ANKRD28: variants seen among roughly 807,000 people sequenced by gnomAD.
ANKRD28 encodes ankyrin repeat domain 28, also known as serine/threonine-protein phosphatase 6 regulatory ankyrin repeat subunit A.
A neutral mutation model predicts 126.5 loss-of-function variants in ANKRD28; 44 were observed. The observed-to-expected ratio is 0.35, with a 90% CI of 0.27 to 0.45. The LOEUF (loss-of-function observed/expected upper bound fraction) is 0.45. Ranked by LOEUF, ANKRD28 falls within the 20% of genes least tolerant of loss-of-function variation. ANKRD28 has a pLI of 1.00. For missense variants in ANKRD28, 1,110 were observed against 1,316.6 expected (o/e 0.84, Z 2.43); for synonymous variants, 442 against 468.5 (o/e 0.94, Z 0.73).
At chr3:15,847,958 C>T (rs1321718557) in intron 1 of ANKRD28, among the ~76,000 whole-genome samples, 2 of 152,238 alleles carry the variant, frequency 1.3e-5, no homozygotes, top group East Asian at 3.8e-4. Context: ...TGGCCCTTAT[C>T]TCCAACAGGG....
At chr3:15,728,468 A>AT (rs928326505) in intron 6 of ANKRD28, among the ~76,000 whole-genome samples, 4 of 152,032 alleles carry the variant, frequency 2.6e-5, no homozygotes, top group Non-Finnish European at 1.5e-5. Flanking sequence ...TAATCTTTAA[A>AT]TTTTTTTGTA....
Position 15,824,222 on chromosome 3 carries a change from T to C in ANKRD28, c.28-28916A>G, listed in dbSNP as rs180927082. On this transcript the variant is annotated intron_variant, in intron 1 of 27. Transcript: ENST00000399451. The stretch of plus-strand genomic sequence containing the variant: ...CTCATTCTGTCATGCAGGCGCCATC[T>C]CAGCTCACTGCAACCTCCGCCTCCT... 1.9e-3 allele frequency among the ~76,000 whole-genome samples: 295 copies of C among 152,364 alleles called. 1 individual carries two copies. The highest frequency in any genetic ancestry group is 6.5e-3 in the African/African-American group (270 of 41,588).
intron 4 of ANKRD28, among the ~76,000 whole-genome samples, chr3:15,744,390 T>A (rs771535131): frequency 1.5e-4 from 23 of 152,088 alleles, no homozygotes; most frequent in Non-Finnish European, 3.2e-4. Context: ...CTTGGCTCAC[T>A]GCCACGTCTG....
intron 2 of ANKRD28, among the ~76,000 whole-genome samples, chr3:15,779,934 C>T (rs2059466704): frequency 6.6e-6 from 1 of 152,076 alleles, no homozygotes. Context: ...ATAACAGGTC[C>T]TGTAAAGGCC....
At position 15,773,950 on chromosome 3, in the gene ANKRD28, G is replaced by T. The variant is rs146141718; in HGVS notation, c.202-7638C>A. On this transcript the variant is annotated intron_variant, in intron 2 of 27. Coordinates refer to ENST00000683139, the MANE Select transcript of ANKRD28 (RefSeq NM_001349278.2). The stretch of plus-strand genomic sequence containing the variant: ...CTATAAAAGTGAAGTAATCAAGGGA[G>T]GGTGGTATGAGAAAAAAGGCAGACA... Among the ~76,000 whole-genome samples the T allele has an allele frequency of 3.5e-4, 53 of 152,266 alleles. No individual in the cohort carries two copies. The East Asian group carries it at 9.4e-3, about 27-fold the overall frequency.
At chr3:15,799,837 T>C (rs1337822957), upstream of ANKRD28, among the ~76,000 whole-genome samples, 4 of 152,052 alleles carry the variant, frequency 2.6e-5, no homozygotes, top group African/African-American at 7.2e-5. Flanking sequence ...TTCATACATA[T>C]TGTCTCCTTC....
At chr3:15,849,860 G>A (rs765107615) in intron 1 of ANKRD28, among the ~76,000 whole-genome samples, 9 of 152,086 alleles carry the variant, frequency 5.9e-5, no homozygotes, top group African/African-American at 1.9e-4. Context: ...CCATGTATAC[G>A]GAAAACTTAT....
At chr3:15,792,849 C>T (rs1365716871) in intron 2 of ANKRD28, among the ~76,000 whole-genome samples, 1 of 152,024 alleles carries the variant, frequency 6.6e-6, no homozygotes, top group African/African-American at 2.4e-5. Context: ...TATGTACCCA[C>T]AAATTTTTTT....
At chr3:15,707,653 T>C (rs1301777827) in intron 14 of ANKRD28, among the ~76,000 whole-genome samples, 1 of 152,202 alleles carries the variant, frequency 6.6e-6, no homozygotes, top group Non-Finnish European at 1.5e-5. Flanking sequence ...ATAAAAGTGA[T>C]ATTAAGATGC....
chr3:15,743,443 T>A (rs2057250505), intron 4 of ANKRD28, among the ~76,000 whole-genome samples: 1 of 152,154 alleles, frequency 6.6e-6, no homozygotes, highest in African/African-American at 2.4e-5. Flanking sequence ...TCTCATGTGA[T>A]AATGGAATTT....
At chr3:15,673,212 C>T (rs968660639) in intron 27 of ANKRD28, among the ~76,000 whole-genome samples, 18 of 152,220 alleles carry the variant, frequency 1.2e-4, no homozygotes, top group African/African-American at 4.3e-4. Context: ...GATTTGAAGA[C>T]CCTCTTAAGT....
At chr3:15,685,894 C>T (rs1031001973) in intron 20 of ANKRD28, 108 bp downstream of exon 20, 2 of 824,024 alleles carry the variant, frequency 2.4e-6, no homozygotes, top group African/African-American at 3.4e-5. Context: ...ATGGTAAAGA[C>T]TATTTGACGA....
rs1402183982 is a variant in ANKRD28 at position 15,707,984 on chromosome 3, T to A, written c.1487A>T (p.Asp496Val). 1 of 1,612,386 alleles carries A rather than the reference T, an allele frequency of 6.2e-7. No homozygotes were observed. Among genetic ancestry groups the A allele is most frequent in the East Asian group, 2.2e-5 (1 of 44,864 alleles). ...GGGTGTGCAGCCTCTTTCATCAAGG[T>A]CATTCACACTTGCTCCTGATCCCAC... ...ALVGSGASVN[D>V]LDERGCTPLH... Residue 496 changes from aspartate (D) to valine (V), a missense_variant, in exon 14 of 28, where the codon GAC becomes GTC. Coordinates refer to ENST00000683139, the MANE Select transcript of ANKRD28 (RefSeq NM_001349278.2).
chr3:15,753,176 A>G (rs2057962062), intron 3 of ANKRD28, among the ~76,000 whole-genome samples: 1 of 152,240 alleles, frequency 6.6e-6, no homozygotes, highest in Non-Finnish European at 1.5e-5. Flanking sequence ...GACAGCAAAT[A>G]AAGAACCAGT....
At chr3:15,852,425 G>T (rs1575825794) in intron 1 of ANKRD28, among the ~76,000 whole-genome samples, 1 of 152,118 alleles carries the variant, frequency 6.6e-6, no homozygotes, top group Non-Finnish European at 1.5e-5. Context: ...TATTTTAACT[G>T]TCTTGTGCTA....
In ANKRD28 at chr3:15,689,964, GA is replaced by G. The variant is rs570570278; in HGVS notation, c.1963+54del. Reference sequence around the variant, plus strand: ...CTGGAAATATTATATATCAGAAATTGAAAAAAAGTATTGGATAGAAGTTATA... The same window carrying G: ...CTGGAAATATTATATATCAGAAATTGAAAAAAGTATTGGATAGAAGTTATA... On this transcript the variant is annotated intron_variant, in intron 18 of 27. Transcript: ENST00000683139. 9.7e-4 allele frequency: 1,359 copies of G among 1,399,666 alleles called. 12 individuals carry two copies. The African/African-American group carries it at 0.015, about 15-fold the overall frequency. 86.7% of individuals were successfully genotyped at this position (1,399,666 alleles called of 1,614,324 possible). A position where few individuals can be genotyped will look rare whatever the true frequency, so the allele number is the denominator to read the frequency against.
At chr3:15,822,512 C>CA (rs1335611642) in intron 1 of ANKRD28, among the ~76,000 whole-genome samples, 1 of 152,164 alleles carries the variant, frequency 6.6e-6, no homozygotes, top group Non-Finnish European at 1.5e-5. Context: ...CTACAATATT[C>CA]AAAATATCCA....
chr3:15,846,158 C>CA lies in ANKRD28; in HGVS notation c.27+13218dup, dbSNP rs35462083. On this transcript the variant is annotated intron_variant, in intron 1 of 27. Transcript: ENST00000399451. This position sits in a 1 kb window ranked among gnomAD's most constrained non-coding sequence, Gnocchi z 5.4. Reference sequence around the variant, plus strand: ...TCCAAGCCCAAAGTCTCATCTGAGACAAGGCAAGTCTCTTCCATCTACGAG... The same window carrying CA: ...TCCAAGCCCAAAGTCTCATCTGAGACAAAGGCAAGTCTCTTCCATCTACGAG... 0.67 allele frequency among the ~76,000 whole-genome samples: 101,537 copies of CA among 151,582 alleles called. 34,501 individuals carry two copies. The highest frequency in any genetic ancestry group is 0.91 in the East Asian group (4,692 of 5,160).
chr3:15,734,178 T>G (rs990716155), intron 6 of ANKRD28, among the ~76,000 whole-genome samples: 2 of 152,238 alleles, frequency 1.3e-5, no homozygotes, highest in Non-Finnish European at 2.9e-5. Context: ...GACTTCCATA[T>G]GCAAGGATTT....
Sources: gnomAD v4.1 joint callset for allele counts (sites outside exome capture counted in the v4.1 genomes callset) on GRCh38, gnomAD v4.1.1 for gene constraint, Gnocchi (gnomAD v3.1) non-coding constraint, MANE v1.5 for transcripts, NCBI Gene and HGNC (gene_info 2026-07-23, HGNC 2026-07-21) for gene names.